Variants in CDH13 observed in about 807,000 individuals in gnomAD.
The protein encoded by CDH13 is cadherin-13.
Under a neutral mutation model 63.8 loss-of-function variants are expected in CDH13, and 24 were observed. The ratio of observed to expected loss-of-function variants is 0.38; its 90% confidence interval spans 0.27 to 0.53. The LOEUF is 0.53. Ranked by LOEUF, CDH13 falls within the 20% of genes least tolerant of loss-of-function variation. The pLI, the probability that CDH13 is intolerant of heterozygous loss-of-function variation, is 0.85. For synonymous variants in CDH13, 503 were observed against 355.3 expected (o/e 1.42, Z -4.67); for missense variants, 1,049 against 903.1 (o/e 1.16, Z -2.07).
At chr16:83,379,241 C>T (rs1250829822) in intron 6 of CDH13, among the ~76,000 whole-genome samples, 3 of 152,162 alleles carry the variant, frequency 2.0e-5, no homozygotes, top group Non-Finnish European at 4.4e-5. Flanking sequence ...TAGAAGGGCA[C>T]TGACTACCTC....
rs546748291 is a variant in CDH13 at position 83,756,445 on chromosome 16, C to A, written c.1681+8195C>A. Reference sequence around the variant, plus strand: ...AAACACATGAAAGTATTTTTTAAAACAAGCTTGTCCAACCCACAGCCTGTG... The same window carrying A: ...AAACACATGAAAGTATTTTTTAAAAAAAGCTTGTCCAACCCACAGCCTGTG... On this transcript the variant is annotated intron_variant, in intron 11 of 13. Coordinates refer to ENST00000567109, the MANE Select transcript of CDH13 (RefSeq NM_001257.5). Among the ~76,000 whole-genome samples, 1,043 of 152,338 alleles carry A rather than the reference C, an allele frequency of 6.8e-3. 4 individuals carry two copies. The highest frequency in any genetic ancestry group is 0.012 in the Non-Finnish European group (814 of 68,016).
chr16:83,748,822 C>T (rs947041072), intron 11 of CDH13, among the ~76,000 whole-genome samples: 1 of 152,142 alleles, frequency 6.6e-6, no homozygotes, highest in African/African-American at 2.4e-5. Flanking sequence ...GAAAGCTGTC[C>T]TCATGGAGCT....
intron 1 of CDH13, among the ~76,000 whole-genome samples, chr16:82,726,246 T>A (rs1381042437): frequency 1.3e-5 from 2 of 152,280 alleles, no homozygotes; most frequent in African/African-American, 4.8e-5. Flanking sequence ...TTGGCAAACT[T>A]TTCCTGTAAA....
intron 2 of CDH13, among the ~76,000 whole-genome samples, chr16:82,955,595 G>GT (rs58707852): frequency 0.25 from 38,644 of 152,020 alleles, 5,129 homozygotes; most frequent in Admixed American, 0.33. Flanking sequence ...ATTCGTTTTT[G>GT]TTTTTATTTG....
chr16:82,817,199 T>A (rs1239654684), intron 1 of CDH13, among the ~76,000 whole-genome samples: 2 of 152,128 alleles, frequency 1.3e-5, no homozygotes, highest in Non-Finnish European at 2.9e-5. Flanking sequence ...TGTTCCTTTT[T>A]CTGACCATGT....
chr16:82,900,319 C>T (rs1159343757), intron 2 of CDH13, among the ~76,000 whole-genome samples: 1 of 152,142 alleles, frequency 6.6e-6, no homozygotes, highest in African/African-American at 2.4e-5. Context: ...ACAGGCCAAG[C>T]CAAATAAACT....
chr16:83,677,475 A>C (rs1018078171), intron 9 of CDH13, among the ~76,000 whole-genome samples: 7 of 150,422 alleles, frequency 4.7e-5, no homozygotes, highest in African/African-American at 1.7e-4. Context: ...CCCTCGAGTC[A>C]ATTGAAAATG....
intron 1 of CDH13, among the ~76,000 whole-genome samples, chr16:82,806,511 G>A (rs552909258): frequency 6.6e-6 from 1 of 152,158 alleles, no homozygotes; most frequent in East Asian, 1.9e-4. Flanking sequence ...GTTTTGTTTT[G>A]TTTTTGTAAC....
chr16:83,228,419 T>C (rs2039905239), intron 5 of CDH13, among the ~76,000 whole-genome samples: 1 of 152,180 alleles, frequency 6.6e-6, no homozygotes, highest in Non-Finnish European at 1.5e-5. Flanking sequence ...AAGTCTGTCT[T>C]CATCTCTGGG....
Position 83,123,561 on chromosome 16 carries a change from G to A in CDH13, c.367-1824G>A, listed in dbSNP as rs986280219. Among the ~76,000 whole-genome samples, 10 of 152,292 alleles carry A rather than the reference G, an allele frequency of 6.6e-5. No homozygotes were observed. The East Asian group carries it at 9.7e-4, about 15-fold the overall frequency. On this transcript the variant is annotated intron_variant, in intron 3 of 13. Transcript: ENST00000567109. Reference sequence around the variant, plus strand: ...CCCAAAGGGCTGGGATTACAGGCGTGAGCCACTGCATCTGGCCCCACATTT... The same window carrying A: ...CCCAAAGGGCTGGGATTACAGGCGTAAGCCACTGCATCTGGCCCCACATTT...
At chr16:83,730,197 C>T (rs12923965) in intron 10 of CDH13, among the ~76,000 whole-genome samples, 29,776 of 151,988 alleles carry the variant, frequency 0.2, 2,948 homozygotes, top group Admixed American at 0.22. Flanking sequence ...ATATAATTGT[C>T]GCTAAATATT....
intron 6 of CDH13, among the ~76,000 whole-genome samples, chr16:83,486,032 A>C (rs2073878773): frequency 6.6e-6 from 1 of 152,168 alleles, no homozygotes. Flanking sequence ...AATCCCAGCT[A>C]CTTAGGAGGC....
chr16:82,713,915 C>T (rs374929542), intron 1 of CDH13, among the ~76,000 whole-genome samples: 13 of 151,850 alleles, frequency 8.6e-5, no homozygotes, highest in South Asian at 6.3e-4. Flanking sequence ...AGGGCCTGGG[C>T]GGGATAAGTA....
chr16:83,244,403 A>C (rs549113652), intron 5 of CDH13, among the ~76,000 whole-genome samples: 90 of 152,198 alleles, frequency 5.9e-4, no homozygotes, highest in Non-Finnish European at 1.2e-3. Context: ...CCATAAGTTT[A>C]TCAGCAGTAA....
At chr16:83,085,441 C>G (rs2033529524) in intron 3 of CDH13, among the ~76,000 whole-genome samples, 1 of 152,118 alleles carries the variant, frequency 6.6e-6, no homozygotes, top group African/African-American at 2.4e-5. Flanking sequence ...TGCAAGATGG[C>G]TGATACATGT....
At chr16:83,142,559 A>G (rs1302076084) in intron 4 of CDH13, among the ~76,000 whole-genome samples, 1 of 152,158 alleles carries the variant, frequency 6.6e-6, no homozygotes, top group African/African-American at 2.4e-5. Flanking sequence ...AAACTGAATC[A>G]GGTCCTTCCT....
intron 2 of CDH13, among the ~76,000 whole-genome samples, chr16:82,977,979 C>G (rs951084997): frequency 6.6e-6 from 1 of 152,092 alleles, no homozygotes; most frequent in African/African-American, 2.4e-5. Flanking sequence ...GGGGTGGTCT[C>G]AAATGAAGAT....
intron 2 of CDH13, among the ~76,000 whole-genome samples, chr16:82,925,285 A>G (rs909331315): frequency 2.0e-5 from 3 of 152,148 alleles, no homozygotes; most frequent in Non-Finnish European, 2.9e-5. Context: ...GAGCACCCCT[A>G]GCTGGTGTTT....
chr16:82,654,258 G>T (rs748694688), intron 1 of CDH13, among the ~76,000 whole-genome samples: 2 of 152,126 alleles, frequency 1.3e-5, no homozygotes, highest in South Asian at 2.1e-4. Context: ...CAGTGTCTTT[G>T]GCTGACACTT....
Sources: allele counts gnomAD v4.1 joint callset (sites outside exome capture counted in the v4.1 genomes callset), GRCh38; gene constraint gnomAD v4.1.1; transcripts MANE v1.5; gene names NCBI Gene and HGNC (gene_info 2026-07-23, HGNC 2026-07-21).